The following STARD13 variants were observed in gnomAD, a reference collection of about 807,000 sequenced individuals.
The protein encoded by STARD13 is StAR related lipid transfer domain containing 13, also known as stAR-related lipid transfer protein 13.
A neutral mutation model predicts 106.4 loss-of-function variants in STARD13; 62 were observed. The observed-to-expected ratio is 0.58, with a 90% CI of 0.48 to 0.72. The LOEUF (loss-of-function observed/expected upper bound fraction) is 0.72. STARD13 is among the 30% of genes least tolerant of loss of function. The pLI, the probability that STARD13 is intolerant of heterozygous loss-of-function variation, is 0.00. For missense variants in STARD13, 1,387 were observed against 1,424.0 expected, an observed-to-expected ratio of 0.97 and a Z score of 0.42; for synonymous variants, 565 against 553.0, an observed-to-expected ratio of 1.02 and a Z score of -0.31.
intron 1 of STARD13, among the ~76,000 whole-genome samples, chr13:33,248,409 A>C (rs1889937541): frequency 6.6e-6 from 1 of 152,226 alleles, no homozygotes; most frequent in Non-Finnish European, 1.5e-5. Flanking sequence ...TAACAAAGGA[A>C]TTTTTAGTCA....
At chr13:33,444,222 C>A in the STARD13 span, among the ~76,000 whole-genome samples, 27 of 152,270 alleles carry the variant, frequency 1.8e-4, no homozygotes, top group East Asian at 4.6e-3. Flanking sequence ...AGGTGCTTAA[C>A]CCTTTCTGTT....
At chr13:33,142,225 G>A (rs1879924847) in intron 4 of STARD13, 85 bp downstream of exon 4, 3 of 1,004,232 alleles carry the variant, frequency 3.0e-6, no homozygotes, top group East Asian at 4.8e-5. Flanking sequence ...GTAGACACAA[G>A]GGTCTCACTA....
chr13:33,591,291 C>G, the STARD13 span, among the ~76,000 whole-genome samples: 1 of 152,290 alleles, frequency 6.6e-6, no homozygotes, highest in South Asian at 2.1e-4. Flanking sequence ...AAAACTCTGT[C>G]TGTTGGAACT....
intron 6 of STARD13, 97 bp from the exon 7 acceptor site, chr13:33,126,337 A>T: frequency 8.7e-7 from 1 of 1,154,454 alleles, no homozygotes; most frequent in South Asian, 1.3e-5. Context: ...CTTTTGTTGG[A>T]ATACCCAACA....
chr13:33,570,186 A>G, the STARD13 span, among the ~76,000 whole-genome samples: 1 of 148,074 alleles, frequency 6.8e-6, no homozygotes, highest in East Asian at 2.0e-4. Flanking sequence ...CTGGGCTTCC[A>G]TGTGCCACTG....
rs1009873635 is a variant in STARD13 at position 33,122,793 on chromosome 13, G to A, written c.2082+3288C>T. 4.6e-5 allele frequency among the ~76,000 whole-genome samples: 7 copies of A among 152,266 alleles called. No individual in the cohort carries two copies. The East Asian group carries it at 1.3e-3, about 29-fold the overall frequency. ...GACTCAGCTGGGCACAGTGGCTCAT[G>A]CCTGTAATCCCAGCACTTAGGGAGG... On this transcript the variant is annotated intron_variant, in intron 7 of 13. Transcript: ENST00000336934.
At chr13:33,313,169 T>C (rs1269555495) in intron 1 of STARD13, among the ~76,000 whole-genome samples, 18 of 152,254 alleles carry the variant, frequency 1.2e-4, no homozygotes, top group African/African-American at 2.4e-5. Context: ...GTATTACTGA[T>C]GGGAATTTTT....
the STARD13 span, among the ~76,000 whole-genome samples, chr13:33,466,633 T>A: frequency 6.6e-6 from 1 of 152,224 alleles, no homozygotes; most frequent in Non-Finnish European, 1.5e-5. Flanking sequence ...TTGTATTTCA[T>A]TGTATCTTAC....
At chr13:33,240,225 T>A (rs1889400690) in intron 1 of STARD13, among the ~76,000 whole-genome samples, 1 of 152,184 alleles carries the variant, frequency 6.6e-6, no homozygotes, top group Admixed American at 6.5e-5. Context: ...GGCTCTCTAT[T>A]CTGTTCCATT....
At chr13:33,151,562 G>A (rs1881283142) in intron 3 of STARD13, among the ~76,000 whole-genome samples, 1 of 152,148 alleles carries the variant, frequency 6.6e-6, no homozygotes, top group African/African-American at 2.4e-5. Context: ...CCAACACTGG[G>A]AATTGAATTC....
chr13:33,618,989 A>G, the STARD13 span, among the ~76,000 whole-genome samples: 2,860 of 152,032 alleles, frequency 0.019, 93 homozygotes, highest in African/African-American at 0.065. Context: ...AGAGGAAAAA[A>G]TTCCATGAGT....
the STARD13 span, among the ~76,000 whole-genome samples, chr13:33,567,504 A>T: frequency 6.7e-6 from 1 of 148,480 alleles, no homozygotes; most frequent in Non-Finnish European, 1.5e-5. Flanking sequence ...GTACACATTT[A>T]TAATGGTAGA....
At chr13:33,376,896 A>AT in the STARD13 span, among the ~76,000 whole-genome samples, 1 of 152,292 alleles carries the variant, frequency 6.6e-6, no homozygotes, top group South Asian at 2.1e-4. Flanking sequence ...CCAAGTAACA[A>AT]TATCAAATGC....
intron 1 of STARD13, among the ~76,000 whole-genome samples, chr13:33,209,711 G>A (rs1234412317): frequency 2.6e-5 from 4 of 151,988 alleles, no homozygotes; most frequent in Admixed American, 1.3e-4. Flanking sequence ...AGTGGCTCAC[G>A]TGCACTCCCA....
chr13:33,158,889 C>T (rs1266567069), intron 3 of STARD13: 1 of 152,286 alleles, frequency 6.6e-6, no homozygotes, highest in Non-Finnish European at 1.5e-5. Context: ...TGTCTACCTC[C>T]TCTGCTTCTT....
At chr13:33,435,452 A>G in the STARD13 span, among the ~76,000 whole-genome samples, 1 of 152,242 alleles carries the variant, frequency 6.6e-6, no homozygotes, top group South Asian at 2.1e-4. Context: ...TTGCATTTCA[A>G]GATAGAGATT....
chr13:33,600,514 C>T, the STARD13 span, among the ~76,000 whole-genome samples: 1 of 152,120 alleles, frequency 6.6e-6, no homozygotes, highest in African/African-American at 2.4e-5. Context: ...TATGTACACA[C>T]AGAAACACAT....
At chr13:33,334,319 G>C (rs2077870099) in intron 1 of STARD13, among the ~76,000 whole-genome samples, 1 of 152,142 alleles carries the variant, frequency 6.6e-6, no homozygotes, top group South Asian at 2.1e-4. Flanking sequence ...AATCTTGCTG[G>C]TGAGACAAGG....
chr13:33,488,590 C>A, the STARD13 span, among the ~76,000 whole-genome samples: 67 of 152,252 alleles, frequency 4.4e-4, 1 homozygote, highest in South Asian at 0.014. Context: ...AATGATCTTC[C>A]TTTTGGGCAT....
Sources: allele counts gnomAD v4.1 joint callset (sites outside exome capture counted in the v4.1 genomes callset), GRCh38; gene constraint gnomAD v4.1.1; transcripts MANE v1.5; gene names NCBI Gene and HGNC (gene_info 2026-07-23, HGNC 2026-07-21).